KCNC2: variants seen among roughly 807,000 people sequenced by gnomAD.
The protein encoded by KCNC2 is potassium voltage-gated channel subfamily C member 2.
In KCNC2, 21 loss-of-function variants were observed where a neutral mutation model predicts 44.5. The ratio of observed to expected loss-of-function variants is 0.47; its 90% confidence interval spans 0.33 to 0.68. The LOEUF is 0.68. Ranked by LOEUF, KCNC2 falls within the 30% of genes least tolerant of loss-of-function variation. The probability of loss-of-function intolerance (pLI) is 0.01; values close to 1 mark genes in which losing one functional copy is unlikely to be tolerated. For synonymous variants in KCNC2, 391 were observed against 339.1 expected, an observed-to-expected ratio of 1.15 and a Z score of -1.68; for missense variants, 589 against 826.2, an observed-to-expected ratio of 0.71 and a Z score of 3.52.
intron 2 of KCNC2, among the ~76,000 whole-genome samples, chr12:75,091,926 G>C (rs1592851058): frequency 6.6e-6 from 1 of 151,606 alleles, no homozygotes; most frequent in Non-Finnish European, 1.5e-5. Flanking sequence ...AAATAATGAA[G>C]TACTCAATTA....
chr12:75,111,983 A>G (rs1442512040), intron 2 of KCNC2, among the ~76,000 whole-genome samples: 1 of 146,170 alleles, frequency 6.8e-6, no homozygotes, highest in Non-Finnish European at 1.5e-5. Context: ...ATAAAATTCA[A>G]TAGGAAAAAA....
chr12:75,148,561 C>T (rs1234278064), intron 2 of KCNC2, among the ~76,000 whole-genome samples: 7 of 151,890 alleles, frequency 4.6e-5, no homozygotes, highest in African/African-American at 1.7e-4. Context: ...AGCTTGGTGA[C>T]TATGATATTT....
intron 2 of KCNC2, among the ~76,000 whole-genome samples, chr12:75,201,570 T>C (rs980477542): frequency 6.6e-6 from 1 of 151,862 alleles, no homozygotes; most frequent in Admixed American, 6.6e-5. Context: ...AAATCAAGAC[T>C]GGAGCGTAGG....
Position 75,077,168 on chromosome 12 carries a change from T to C in KCNC2, c.688-25851A>G, listed in dbSNP as rs1884060719. ...AACAATATTCCCTAATACAAGATAA[T>C]TTCATTAAGTTTAGTCCTCATGTAC... On this transcript the variant is annotated intron_variant, in intron 2 of 4. Transcript: ENST00000549446. Among the ~76,000 whole-genome samples, 3 of 152,116 alleles carry C rather than the reference T, an allele frequency of 2.0e-5. No homozygotes were observed. The South Asian group carries it at 6.2e-4, about 32-fold the overall frequency.
chr12:75,083,801 T>C (rs1315253249), intron 2 of KCNC2, among the ~76,000 whole-genome samples: 2 of 152,006 alleles, frequency 1.3e-5, no homozygotes, highest in African/African-American at 2.4e-5. Context: ...TATTTTATAA[T>C]AAATACATGA....
At chr12:75,127,029 A>G (rs1031025231) in intron 2 of KCNC2, among the ~76,000 whole-genome samples, 2 of 152,174 alleles carry the variant, frequency 1.3e-5, no homozygotes, top group African/African-American at 4.8e-5. Context: ...GGTCTAGTTA[A>G]TGTATTGTGT....
At chr12:75,085,046 C>A (rs1046061624) in intron 2 of KCNC2, among the ~76,000 whole-genome samples, 1 of 150,748 alleles carries the variant, frequency 6.6e-6, no homozygotes, top group African/African-American at 2.4e-5. Context: ...AAAAAAAGGA[C>A]ATCATCCTAT....
At chr12:75,178,907 C>T (rs1892371622) in intron 2 of KCNC2, among the ~76,000 whole-genome samples, 1 of 151,912 alleles carries the variant, frequency 6.6e-6, no homozygotes, top group Admixed American at 6.6e-5. Context: ...TTTTGGGACC[C>T]ATGAGCTAAT....
At chr12:75,110,094 AG>A (rs1887109535) in intron 2 of KCNC2, among the ~76,000 whole-genome samples, 1 of 152,116 alleles carries the variant, frequency 6.6e-6, no homozygotes, top group African/African-American at 2.4e-5. Flanking sequence ...ATGAAGGAAA[AG>A]GAACAGATGG....
chr12:75,150,061 C>G (rs2471658), intron 2 of KCNC2, among the ~76,000 whole-genome samples: 17,127 of 151,750 alleles, frequency 0.11, 1,107 homozygotes, highest in African/African-American at 0.16. Flanking sequence ...ATTATACAAC[C>G]TTGAATATAA....
chr12:75,192,924 CA>C (rs900544630), intron 2 of KCNC2, among the ~76,000 whole-genome samples: 6 of 152,024 alleles, frequency 3.9e-5, no homozygotes, highest in South Asian at 2.1e-4. Context: ...ATTTTCACCA[CA>C]AAAAAAGTAT....
chr12:75,157,727 G>A (rs1890858508), intron 2 of KCNC2, among the ~76,000 whole-genome samples: 1 of 151,960 alleles, frequency 6.6e-6, no homozygotes, highest in South Asian at 2.1e-4. Flanking sequence ...AGGAATTTAA[G>A]ATGCTAAACT....
intron 2 of KCNC2, among the ~76,000 whole-genome samples, chr12:75,193,447 G>T (rs1326631660): frequency 1.3e-5 from 2 of 152,068 alleles, no homozygotes; most frequent in Admixed American, 1.3e-4. Context: ...GCTGGCTATG[G>T]GACAACTGCT....
chr12:75,062,595 T>G (rs1400454520), intron 2 of KCNC2, among the ~76,000 whole-genome samples: 1 of 152,102 alleles, frequency 6.6e-6, no homozygotes, highest in African/African-American at 2.4e-5. Context: ...TCTGAAACAT[T>G]GTGAAACTTG....
intron 2 of KCNC2, among the ~76,000 whole-genome samples, chr12:75,065,120 C>G (rs931243295): frequency 1.3e-5 from 2 of 151,970 alleles, no homozygotes; most frequent in Non-Finnish European, 2.9e-5. Flanking sequence ...TCTTTATTTA[C>G]TAATTTGGTT....
At chr12:75,202,257 A>C (rs2031344649) in intron 2 of KCNC2, among the ~76,000 whole-genome samples, 1 of 151,850 alleles carries the variant, frequency 6.6e-6, no homozygotes, top group South Asian at 2.1e-4. Context: ...TTGCACACCT[A>C]ATGTCCAACC....
At chr12:75,087,020 GA>G (rs1176999029) in intron 2 of KCNC2, among the ~76,000 whole-genome samples, 7 of 151,950 alleles carry the variant, frequency 4.6e-5, no homozygotes, top group Non-Finnish European at 1.0e-4. Context: ...AGGTACTGAG[GA>G]TGCAAAATTG....
chr12:75,081,529 G>A (rs189616761), intron 2 of KCNC2, among the ~76,000 whole-genome samples: 130 of 151,258 alleles, frequency 8.6e-4, no homozygotes, highest in Admixed American at 3.6e-3. Context: ...TTTGTTCTAC[G>A]GATTTACAGC....
chr12:75,170,026 G>A (rs1891707822), intron 2 of KCNC2, among the ~76,000 whole-genome samples: 1 of 151,600 alleles, frequency 6.6e-6, no homozygotes, highest in African/African-American at 2.4e-5. Flanking sequence ...TTCATATATT[G>A]TTTTAATCTA....
Sources: gnomAD v4.1 joint callset for allele counts (sites outside exome capture counted in the v4.1 genomes callset) on GRCh38, gnomAD v4.1.1 for gene constraint, MANE v1.5 for transcripts, NCBI Gene and HGNC (gene_info 2026-07-23, HGNC 2026-07-21) for gene names.